The following SLC8A1 variants were observed in gnomAD, a reference collection of about 807,000 sequenced individuals.
SLC8A1 encodes the protein sodium/calcium exchanger 1.
A neutral mutation model predicts 68.3 loss-of-function variants in SLC8A1; 18 were observed. The observed-to-expected ratio is 0.26, with a 90% CI of 0.18 to 0.39. SLC8A1 has a LOEUF of 0.39. Ranked by LOEUF, SLC8A1 falls within the 10% of genes least tolerant of loss-of-function variation. The pLI is 1.00. For synonymous variants in SLC8A1, 475 were observed against 415.5 expected (o/e 1.14, Z -1.74); for missense variants, 985 against 1,156.7 (o/e 0.85, Z 2.15).
chr2:40,177,783 C>G (rs778162287), exon 3 of SLC8A1: 1 of 1,550,890 alleles, frequency 6.4e-7, no homozygotes, highest in Non-Finnish European at 8.7e-7. Context: ...ATTTTGGTTC[C>G]TCAAGCACAA....
intron 2 of SLC8A1, among the ~76,000 whole-genome samples, chr2:40,422,455 A>T (rs986480454): frequency 6.6e-6 from 1 of 152,148 alleles, no homozygotes; most frequent in African/African-American, 2.4e-5. Flanking sequence ...TTAGACCCTC[A>T]AGGTTGCTCT....
chr2:40,477,239 T>G (rs367619913), intron 1 of SLC8A1, among the ~76,000 whole-genome samples: 1 of 139,142 alleles, frequency 7.2e-6, no homozygotes, highest in African/African-American at 3.0e-5. Context: ...TGGTATCTGA[T>G]ATCTGAAGAA....
chr2:40,178,347 G>C (rs1247718332), intron 2 of SLC8A1, 40 bp downstream of exon 3: 1 of 1,503,572 alleles, frequency 6.7e-7, no homozygotes, highest in South Asian at 1.1e-5. Context: ...GCACAGGCCA[G>C]CAGAAGCTGT....
At chr2:40,174,242 A>G (rs2048065443) in intron 4 of SLC8A1, among the ~76,000 whole-genome samples, 1 of 152,060 alleles carries the variant, frequency 6.6e-6, no homozygotes, top group African/African-American at 2.4e-5. Flanking sequence ...TAATTTATGA[A>G]TTAAAATTTA....
chr2:40,360,124 G>A (rs1193215341), intron 2 of SLC8A1, among the ~76,000 whole-genome samples: 1 of 152,064 alleles, frequency 6.6e-6, no homozygotes, highest in Non-Finnish European at 1.5e-5. Context: ...CATTTTAGAG[G>A]TAAGTAAAAT....
chr2:40,297,387 A>G (rs138828410), intron 2 of SLC8A1, among the ~76,000 whole-genome samples: 1 of 152,194 alleles, frequency 6.6e-6, no homozygotes, highest in Non-Finnish European at 1.5e-5. Flanking sequence ...AATCTGAAAC[A>G]AAAATGTACT....
intron 6 of SLC8A1, among the ~76,000 whole-genome samples, chr2:40,154,101 G>C (rs1471324193): frequency 6.6e-6 from 1 of 152,104 alleles, no homozygotes; most frequent in Non-Finnish European, 1.5e-5. Flanking sequence ...TCACTTGCTA[G>C]TTGTGTGACC....
chr2:40,127,342 G>A (rs1256963703), intron 7 of SLC8A1, among the ~76,000 whole-genome samples: 2 of 152,142 alleles, frequency 1.3e-5, no homozygotes, highest in African/African-American at 4.8e-5. Flanking sequence ...CTAAACGGCA[G>A]GAAGCACGTC....
Position 40,165,021 on chromosome 2 carries a change from T to G in SLC8A1, c.1931-37A>C, listed in dbSNP as rs143298720. On this transcript the variant is annotated intron_variant, in intron 4 of 7. Transcript: ENST00000406785. ...AAGTATCAGAGAGTGAGCACTGTGTTCTGTTTAATTTGGAAATCCCTGGAT... is the reference window on the plus strand; with the variant it reads ...AAGTATCAGAGAGTGAGCACTGTGTGCTGTTTAATTTGGAAATCCCTGGAT... 134 of 1,611,740 alleles carry G rather than the reference T, an allele frequency of 8.3e-5. No homozygotes were observed. The East Asian group carries it at 2.9e-3, about 35-fold the overall frequency.
At chr2:40,159,014 G>A (rs577455639) in intron 6 of SLC8A1, among the ~76,000 whole-genome samples, 14 of 152,216 alleles carry the variant, frequency 9.2e-5, no homozygotes, top group African/African-American at 3.1e-4. Flanking sequence ...GTCATAAAAT[G>A]TTTCCTTGTT....
intron 2 of SLC8A1, among the ~76,000 whole-genome samples, chr2:40,183,150 C>A (rs1005571053): frequency 6.6e-5 from 10 of 152,150 alleles, no homozygotes; most frequent in African/African-American, 2.4e-4. Flanking sequence ...AACAATGACT[C>A]TCAGAGAAGT....
At chr2:40,348,411 C>A (rs1670006503) in intron 2 of SLC8A1, among the ~76,000 whole-genome samples, 2 of 152,174 alleles carry the variant, frequency 1.3e-5, no homozygotes, top group Admixed American at 1.3e-4. Flanking sequence ...CATCAAAGAA[C>A]CTATCTACCG....
exon 8 of SLC8A1, chr2:40,113,858 A>C (rs544534934): frequency 6.5e-6 from 1 of 152,854 alleles, no homozygotes; most frequent in South Asian, 2.1e-4. Flanking sequence ...TGTGTTCCAC[A>C]TGGCTAATTT....
intron 2 of SLC8A1, among the ~76,000 whole-genome samples, chr2:40,386,925 G>A: frequency 6.6e-6 from 1 of 151,294 alleles, no homozygotes; most frequent in East Asian, 1.9e-4. Context: ...TACTATAGCA[G>A]ATCACTTCAA....
chr2:40,175,245 G>C lies in SLC8A1; in HGVS notation c.1913-403C>G. 6.2e-7 allele frequency: 1 copy of C among 1,612,156 alleles called. No individual in the cohort carries two copies. Among genetic ancestry groups the C allele is most frequent in the Non-Finnish European group, 8.5e-7 (1 of 1,178,584 alleles). On this transcript the variant is annotated intron_variant, in intron 3 of 7. Coordinates refer to ENST00000406785, the Ensembl canonical transcript of SLC8A1. Reference sequence around the variant, plus strand: ...CTAGAAAAATGGAAAGGAAATGCAAGAAATGAAATGCTTACCAAGCTCATT... The same window carrying C: ...CTAGAAAAATGGAAAGGAAATGCAACAAATGAAATGCTTACCAAGCTCATT...
At chr2:40,256,574 C>T (rs546550385) in intron 2 of SLC8A1, among the ~76,000 whole-genome samples, 1 of 152,248 alleles carries the variant, frequency 6.6e-6, no homozygotes, top group African/African-American at 2.4e-5. Flanking sequence ...TTAAATTATT[C>T]GTTCCCTTTT....
At chr2:40,497,315 C>T (rs959161625) in intron 1 of SLC8A1, among the ~76,000 whole-genome samples, 4 of 152,032 alleles carry the variant, frequency 2.6e-5, no homozygotes, top group Non-Finnish European at 4.4e-5. Context: ...ATTTATCAAG[C>T]ATACCCACTG....
intron 7 of SLC8A1, among the ~76,000 whole-genome samples, chr2:40,117,440 C>T (rs2035721079): frequency 1.4e-5 from 2 of 144,868 alleles, no homozygotes; most frequent in Admixed American, 1.4e-4. Context: ...TGGTACACAC[C>T]TGTAATCCCA....
At chr2:40,329,128 A>G (rs966133238) in intron 2 of SLC8A1, among the ~76,000 whole-genome samples, 2 of 151,858 alleles carry the variant, frequency 1.3e-5, no homozygotes, top group African/African-American at 4.8e-5. Context: ...AATTCACTGA[A>G]AACAGACAAA....
Sources: gnomAD v4.1 joint callset for allele counts (sites outside exome capture counted in the v4.1 genomes callset) on GRCh38, gnomAD v4.1.1 for gene constraint, MANE v1.5 for transcripts, NCBI Gene and HGNC (gene_info 2026-07-23, HGNC 2026-07-21) for gene names.